Variants in LINGO2 observed in about 807,000 individuals in gnomAD.
LINGO2 encodes leucine-rich repeat and immunoglobulin-like domain-containing nogo receptor-interacting protein 2.
A neutral mutation model predicts 30.6 loss-of-function variants in LINGO2; 14 were observed. The ratio of observed to expected loss-of-function variants is 0.46; its 90% CI spans 0.30 to 0.72. The LOEUF is 0.72. Ranked by LOEUF, LINGO2 falls within the 30% of genes least tolerant of loss-of-function variation. The pLI is 0.07. For synonymous variants in LINGO2, 317 were observed against 288.5 expected, an observed-to-expected ratio of 1.10 and a Z score of -1.00; for missense variants, 729 against 751.7, an observed-to-expected ratio of 0.97 and a Z score of 0.35.
chr9:28,044,587 A>AT lies in LINGO2; in HGVS notation c.-86-32183dup, dbSNP rs201616245. On this transcript the variant is annotated intron_variant, in intron 4 of 5. Coordinates refer to ENST00000379992, the Ensembl canonical transcript of LINGO2. The stretch of plus-strand genomic sequence containing the variant: ...ATAACAATATTTTTTGTTTGGTTTG[A>AT]TTTTTTTTTAGGTTGACAGAAAAAA... Among the ~76,000 whole-genome samples, 419 of 151,544 alleles carry AT rather than the reference A, an allele frequency of 2.8e-3. 3 individuals are homozygous for AT. The highest frequency in any genetic ancestry group is 8.3e-3 in the African/African-American group (342 of 41,328).
intron 1 of LINGO2, among the ~76,000 whole-genome samples, chr9:28,622,348 T>C (rs1036755991): frequency 2.0e-5 from 3 of 151,960 alleles, no homozygotes; most frequent in Non-Finnish European, 4.4e-5. Context: ...ACTCTCTCTG[T>C]CCATTTACTT....
At chr9:29,188,037 T>TA in the LINGO2 span, among the ~76,000 whole-genome samples, 308 of 123,654 alleles carry the variant, frequency 2.5e-3, 1 homozygote, top group African/African-American at 7.2e-3. Context: ...TTTTTTTTTT[T>TA]ATTGATCATT....
the LINGO2 span, among the ~76,000 whole-genome samples, chr9:28,683,119 T>C: frequency 1.2e-4 from 18 of 152,264 alleles, no homozygotes; most frequent in African/African-American, 4.3e-4. Flanking sequence ...CTTGTATTTA[T>C]ATGTTTTCTT....
chr9:29,055,949 C>CATATATGTATATATATATATACACATAT, the LINGO2 span, among the ~76,000 whole-genome samples: 2 of 123,188 alleles, frequency 1.6e-5, no homozygotes, highest in East Asian at 5.5e-4. Context: ...TGTATATATA[C>CATATATGTATATATATATATACACATAT]ATATATATGT....
intron 1 of LINGO2, among the ~76,000 whole-genome samples, chr9:28,566,140 C>G (rs1433111710): frequency 6.6e-6 from 1 of 152,094 alleles, no homozygotes; most frequent in Non-Finnish European, 1.5e-5. Context: ...TAACTGAGTC[C>G]TAAAGGCCCT....
chr9:28,695,045 T>G, the LINGO2 span, among the ~76,000 whole-genome samples: 1 of 136,914 alleles, frequency 7.3e-6, no homozygotes, highest in Admixed American at 7.1e-5. Flanking sequence ...CCCCAATCTC[T>G]AATACAAACA....
intron 4 of LINGO2, among the ~76,000 whole-genome samples, chr9:28,271,140 A>G (rs1822923525): frequency 6.7e-6 from 1 of 150,362 alleles, no homozygotes; most frequent in Non-Finnish European, 1.5e-5. Flanking sequence ...CTTGCTCTGT[A>G]TTTATAAGAA....
chr9:29,153,465 A>G, the LINGO2 span, among the ~76,000 whole-genome samples: 1 of 152,192 alleles, frequency 6.6e-6, no homozygotes, highest in African/African-American at 2.4e-5. Context: ...GGGTAGACAA[A>G]GAAGACTGTT....
At chr9:28,675,905 G>GTATATATATATATATATATA in the LINGO2 span, among the ~76,000 whole-genome samples, 44 of 126,032 alleles carry the variant, frequency 3.5e-4, no homozygotes, top group East Asian at 1.0e-3. Flanking sequence ...GTGTGTGTAT[G>GTATATATATATATATATATA]TATATATATA....
At position 28,101,384 on chromosome 9, in the gene LINGO2, A is replaced by G. The variant is rs187850468; in HGVS notation, c.-86-88979T>C. ...AATGTTAGTATACAAAATTAAAGTA[A>G]GACAGCACTTCAAAATAAACTATAA... On this transcript the variant is annotated intron_variant, in intron 4 of 5. Transcript: ENST00000379992. 3.3e-5 allele frequency among the ~76,000 whole-genome samples: 5 copies of G among 152,288 alleles called. No individual in the cohort carries two copies. In the South Asian group the frequency reaches 1.0e-3, roughly 32 times the overall value.
the LINGO2 span, among the ~76,000 whole-genome samples, chr9:29,016,399 C>T: frequency 2.0e-5 from 3 of 152,152 alleles, no homozygotes; most frequent in African/African-American, 2.4e-5. Flanking sequence ...TTGTGGGCTT[C>T]ATCTTTCACA....
At chr9:28,100,251 A>T (rs1826370543) in intron 4 of LINGO2, among the ~76,000 whole-genome samples, 1 of 152,154 alleles carries the variant, frequency 6.6e-6, no homozygotes, top group African/African-American at 2.4e-5. Flanking sequence ...TCTTTCTGTA[A>T]TAGCAGGTGC....
Position 28,626,368 on chromosome 9 carries a change from A to G in LINGO2, c.-365+43832T>C, listed in dbSNP as rs115546633. ...GGGTTTGCATTTTCATTTCATTAAT[A>G]AAGTATTCTTTAAGGAAAAAAATGT... On this transcript the variant is annotated intron_variant, in intron 1 of 5. Transcript: ENST00000379992. 2.3e-3 allele frequency among the ~76,000 whole-genome samples: 350 copies of G among 152,172 alleles called. 2 individuals carry two copies. Among genetic ancestry groups the G allele is most frequent in the African/African-American group, 8.1e-3 (337 of 41,556 alleles).
intron 4 of LINGO2, among the ~76,000 whole-genome samples, chr9:28,283,527 T>C (rs566194342): frequency 6.6e-6 from 1 of 152,252 alleles, no homozygotes; most frequent in South Asian, 2.1e-4. Context: ...ATAGCACACA[T>C]GTATAATGGC....
At chr9:28,887,651 G>C in the LINGO2 span, among the ~76,000 whole-genome samples, 4 of 152,066 alleles carry the variant, frequency 2.6e-5, no homozygotes, top group Non-Finnish European at 5.9e-5. Context: ...ACATCCAGCA[G>C]TGTGATCACA....
chr9:28,161,273 G>A (rs1272671848), intron 4 of LINGO2, among the ~76,000 whole-genome samples: 1 of 151,876 alleles, frequency 6.6e-6, no homozygotes, highest in African/African-American at 2.4e-5. Context: ...AAAAGCAGGG[G>A]GGCAGTAGGA....
chr9:28,363,182 G>A (rs1820522224), intron 3 of LINGO2, among the ~76,000 whole-genome samples: 1 of 152,218 alleles, frequency 6.6e-6, no homozygotes, highest in Admixed American at 6.5e-5. Flanking sequence ...AATGTACACA[G>A]TAAGTGGAAA....
rs939159273 is a variant in LINGO2, at chr9:28,059,480, C to T, written c.-86-47075G>A. Among the ~76,000 whole-genome samples, 7 of 152,162 alleles carry T rather than the reference C, an allele frequency of 4.6e-5. No individual in the cohort carries two copies. The East Asian group carries it at 1.4e-3, about 30-fold the overall frequency. On this transcript the variant is annotated intron_variant, in intron 4 of 5. Transcript: ENST00000379992. ...TCTGATCACCCCAACACAGGCAGTC[C>T]AGTTAGAACTGTGCCTTCCCTTGCC...
intron 4 of LINGO2, among the ~76,000 whole-genome samples, chr9:28,018,415 C>T (rs1822948214): frequency 6.6e-6 from 1 of 152,088 alleles, no homozygotes; most frequent in African/African-American, 2.4e-5. Context: ...AATATATTCT[C>T]CCATTATAGA....
Sources: gnomAD v4.1 joint callset for allele counts (sites outside exome capture counted in the v4.1 genomes callset) on GRCh38, gnomAD v4.1.1 for gene constraint, MANE v1.5 for transcripts, NCBI Gene and HGNC (gene_info 2026-07-23, HGNC 2026-07-21) for gene names.